The following NMNAT2 variants were observed in gnomAD, a reference collection of about 807,000 sequenced individuals.
NMNAT2 encodes the protein nicotinamide nucleotide adenylyltransferase 2.
Under a neutral mutation model 41.6 loss-of-function variants are expected in NMNAT2, and 11 were observed. The observed-to-expected ratio is 0.26, with a 90% CI of 0.17 to 0.44. The LOEUF (loss-of-function observed/expected upper bound fraction) is 0.44. NMNAT2 is among the 20% of genes least tolerant of loss of function. The pLI is 1.00. For missense variants in NMNAT2, 288 were observed against 407.7 expected (o/e 0.71, Z 2.53); for synonymous variants, 148 against 151.2 (o/e 0.98, Z 0.16).
chr1:183,284,839 C>G (rs1558116655), intron 5 of NMNAT2, 49 bp from the exon 6 acceptor site: 2 of 1,483,610 alleles, frequency 1.3e-6, no homozygotes, highest in Non-Finnish European at 1.9e-6. Context: ...GAGAACAACT[C>G]ACAACTGGCA....
intron 1 of NMNAT2, among the ~76,000 whole-genome samples, chr1:183,302,344 C>T (rs145328708): frequency 6.6e-6 from 1 of 152,272 alleles, no homozygotes; most frequent in Admixed American, 6.5e-5. Flanking sequence ...TGCTATAGGA[C>T]TTCAGGGAGG....
chr1:183,278,525 G>A, intron 8 of NMNAT2, 28 bp downstream of exon 8: 1 of 1,538,560 alleles, frequency 6.5e-7, no homozygotes, highest in Non-Finnish European at 9.0e-7. Flanking sequence ...GTCCCAGCTG[G>A]GTGCCAGGCA....
chr1:183,317,531 C>G (rs1296939102), intron 1 of NMNAT2, among the ~76,000 whole-genome samples: 1 of 152,210 alleles, frequency 6.6e-6, no homozygotes, highest in Non-Finnish European at 1.5e-5. Flanking sequence ...CTGAACCTCC[C>G]AAAGTGCTGG....
intron 3 of NMNAT2, chr1:183,290,637 A>T (rs1661516510): frequency 6.5e-6 from 1 of 153,802 alleles, no homozygotes; most frequent in African/African-American, 2.4e-5. Flanking sequence ...GTTACCTGCA[A>T]AATAAACCCT....
intron 1 of NMNAT2, among the ~76,000 whole-genome samples, chr1:183,380,628 A>G (rs931357219): frequency 3.3e-5 from 5 of 152,214 alleles, no homozygotes; most frequent in African/African-American, 1.2e-4. Flanking sequence ...GAAGGGGTGC[A>G]GCTGTTGGAA....
intron 1 of NMNAT2, among the ~76,000 whole-genome samples, chr1:183,316,880 C>T (rs111419292): frequency 3.5e-4 from 54 of 152,264 alleles, no homozygotes; most frequent in African/African-American, 1.1e-3. Flanking sequence ...TGTTTTCCTC[C>T]GGTCCTGCAT....
chr1:183,399,180 A>G (rs1159448862), intron 1 of NMNAT2, among the ~76,000 whole-genome samples: 1 of 152,210 alleles, frequency 6.6e-6, no homozygotes, highest in Non-Finnish European at 1.5e-5. Flanking sequence ...CTAATAAAGA[A>G]GAAAAGAGAG....
chr1:183,408,927 C>T (rs1363193203), intron 1 of NMNAT2, among the ~76,000 whole-genome samples: 1 of 152,032 alleles, frequency 6.6e-6, no homozygotes, highest in Non-Finnish European at 1.5e-5. Context: ...CTATGCACTG[C>T]TAAATATTTA....
rs946171 is a variant in NMNAT2, at chr1:183,307,871, C to G, written c.86-14078G>C. On this transcript the variant is annotated intron_variant, in intron 1 of 10. Coordinates refer to ENST00000287713, the MANE Select transcript of NMNAT2 (RefSeq NM_015039.4). ...TGCTGGGATTACAAGCATGAGCTGC[C>G]GCACCTGGCCCAAACGAAGTATTCT... Among the ~76,000 whole-genome samples, 5 of 152,188 alleles carry G rather than the reference C, an allele frequency of 3.3e-5. No individual in the cohort carries two copies. In the East Asian group the frequency reaches 9.6e-4, roughly 29 times the overall value.
At chr1:183,406,524 T>C (rs1292882361) in intron 1 of NMNAT2, among the ~76,000 whole-genome samples, 1 of 152,208 alleles carries the variant, frequency 6.6e-6, no homozygotes. Flanking sequence ...GTGCATTCTC[T>C]GGACCTGAAA....
chr1:183,305,402 C>T (rs1661971205), intron 1 of NMNAT2, among the ~76,000 whole-genome samples: 1 of 152,120 alleles, frequency 6.6e-6, no homozygotes, highest in Non-Finnish European at 1.5e-5. Context: ...ATTAGGGTAT[C>T]AAGTCTGTGT....
chr1:183,309,951 C>A (rs1268857349), intron 1 of NMNAT2, among the ~76,000 whole-genome samples: 1 of 152,184 alleles, frequency 6.6e-6, no homozygotes, highest in African/African-American at 2.4e-5. Flanking sequence ...TAAGGCATTG[C>A]AAATATTTTA....
intron 1 of NMNAT2, among the ~76,000 whole-genome samples, chr1:183,344,040 C>CT (rs1310828027): frequency 2.2e-4 from 33 of 152,308 alleles, no homozygotes; most frequent in Admixed American, 2.0e-3. Context: ...TAAAATGCCT[C>CT]TCCCTCATTG....
intron 1 of NMNAT2, among the ~76,000 whole-genome samples, chr1:183,360,755 T>C (rs542916517): frequency 3.6e-4 from 55 of 152,334 alleles, no homozygotes; most frequent in African/African-American, 1.2e-3. Flanking sequence ...TTGCATATAG[T>C]AGGCTGACTT....
At chr1:183,405,510 G>T (rs976281518) in intron 1 of NMNAT2, among the ~76,000 whole-genome samples, 12 of 152,296 alleles carry the variant, frequency 7.9e-5, no homozygotes, top group Admixed American at 4.6e-4. Flanking sequence ...ATCCACCTCT[G>T]TTGGGACAAA....
At chr1:183,328,983 TAGCAGAGGTAGAGG>T (rs1571601328) in intron 1 of NMNAT2, among the ~76,000 whole-genome samples, 1 of 152,158 alleles carries the variant, frequency 6.6e-6, no homozygotes, top group East Asian at 1.9e-4. Flanking sequence ...GTAGCAGAGG[TAGCAGAGGTAGAGG>T]AGCAGAGGTA....
At chr1:183,315,269 A>G (rs1243005182) in intron 1 of NMNAT2, among the ~76,000 whole-genome samples, 1 of 152,240 alleles carries the variant, frequency 6.6e-6, no homozygotes, top group Admixed American at 6.5e-5. Flanking sequence ...ACTTTCACAC[A>G]TATTTTTAAA....
At chr1:183,321,434 T>C (rs956619604) in intron 1 of NMNAT2, among the ~76,000 whole-genome samples, 1 of 152,128 alleles carries the variant, frequency 6.6e-6, no homozygotes, top group African/African-American at 2.4e-5. Flanking sequence ...GTCTGTAAGG[T>C]ATTTGAATGG....
At chr1:183,390,220 A>T (rs1486070286) in intron 1 of NMNAT2, among the ~76,000 whole-genome samples, 9 of 152,180 alleles carry the variant, frequency 5.9e-5, no homozygotes, top group African/African-American at 2.2e-4. Context: ...CTACTCAAAA[A>T]TGCCCATGGT....
Sources: gnomAD v4.1 joint callset for allele counts (sites outside exome capture counted in the v4.1 genomes callset) on GRCh38, gnomAD v4.1.1 for gene constraint, MANE v1.5 for transcripts, NCBI Gene and HGNC (gene_info 2026-07-23, HGNC 2026-07-21) for gene names.